PCDHA10: variants seen among roughly 807,000 people sequenced by gnomAD.
PCDHA10 encodes protocadherin alpha-10.
Under a neutral mutation model 61.2 loss-of-function variants are expected in PCDHA10, and 45 were observed. The ratio of observed to expected loss-of-function variants is 0.74; its 90% CI spans 0.58 to 0.94. The LOEUF (loss-of-function observed/expected upper bound fraction) is 0.94. Ranked by LOEUF, PCDHA10 falls within the 40% of genes least tolerant of loss-of-function variation. The pLI is 0.00. For synonymous variants in PCDHA10, 602 were observed against 548.8 expected (o/e 1.10, Z -1.35); for missense variants, 1,278 against 1,236.2 (o/e 1.03, Z -0.51).
intron 3 of PCDHA10, among the ~76,000 whole-genome samples, chr5:140,996,029 C>T (rs915903807): frequency 6.6e-6 from 1 of 152,184 alleles, no homozygotes; most frequent in Admixed American, 6.5e-5. Context: ...GTTTAATGCT[C>T]CTAGCACTTA....
chr5:140,887,101 CT>C (rs200717289), intron 1 of PCDHA10, among the ~76,000 whole-genome samples: 3,245 of 145,086 alleles, frequency 0.022, 87 homozygotes, highest in African/African-American at 0.074. Flanking sequence ...ATCTTTATCT[CT>C]TTTTTTTTTT....
chr5:140,870,200 C>G lies in PCDHA10; in HGVS notation c.2388+11764C>G, dbSNP rs377755323. Reference sequence around the variant, plus strand: ...GTACGAGAGGACGCTCAGCCCAGCACGGTCATTGCCCTGATCAGCGTGTCT... The same window carrying G: ...GTACGAGAGGACGCTCAGCCCAGCAGGGTCATTGCCCTGATCAGCGTGTCT... On this transcript the variant is annotated intron_variant, in intron 1 of 3. Transcript: ENST00000307360. 7 of 1,614,056 alleles carry G rather than the reference C, an allele frequency of 4.3e-6. No homozygotes were observed. The African/African-American group carries it at 9.3e-5, about 22-fold the overall frequency.
chr5:140,973,894 G>A (rs1161980569), intron 1 of PCDHA10, among the ~76,000 whole-genome samples: 1 of 152,194 alleles, frequency 6.6e-6, no homozygotes, highest in African/African-American at 2.4e-5. Flanking sequence ...ATTTGCAAAT[G>A]TTTGAGGAAA....
intron 1 of PCDHA10, chr5:140,869,562 A>G (rs373044645): frequency 8.1e-6 from 13 of 1,614,050 alleles, no homozygotes; most frequent in South Asian, 2.2e-5. Context: ...CGCGTTTTCC[A>G]CTAGAGGGAG....
intron 3 of PCDHA10, among the ~76,000 whole-genome samples, chr5:140,991,132 TAA>T (rs1345264253): frequency 2.0e-5 from 3 of 152,230 alleles, no homozygotes; most frequent in Non-Finnish European, 4.4e-5. Flanking sequence ...ACACAGCTAG[TAA>T]AAATGTTTTT....
intron 1 of PCDHA10, among the ~76,000 whole-genome samples, chr5:140,943,553 CAAT>C (rs1554215748): frequency 6.6e-6 from 1 of 152,026 alleles, no homozygotes; most frequent in East Asian, 1.9e-4. Context: ...TAGACGTAGA[CAAT>C]AATCATTTTA....
intron 1 of PCDHA10, chr5:140,884,551 G>C (rs782613034): frequency 1.2e-6 from 2 of 1,614,134 alleles, no homozygotes; most frequent in Non-Finnish European, 1.7e-6. Flanking sequence ...TGTGCTCTGG[G>C]GAGGGCCCGC....
chr5:140,863,231 C>G (rs189351986), intron 1 of PCDHA10: 1 of 1,227,526 alleles, frequency 8.1e-7, no homozygotes, highest in Non-Finnish European at 1.2e-6. Flanking sequence ...AAGGTCCCAT[C>G]GCGGGCTTTG....
intron 1 of PCDHA10, among the ~76,000 whole-genome samples, chr5:140,924,534 C>G (rs1488047727): frequency 1.3e-5 from 2 of 152,134 alleles, no homozygotes; most frequent in African/African-American, 2.4e-5. Context: ...AATGCCCGAG[C>G]TACCCCTCTC....
intron 1 of PCDHA10, among the ~76,000 whole-genome samples, chr5:140,947,713 T>G (rs1252298380): frequency 6.6e-6 from 1 of 151,618 alleles, no homozygotes; most frequent in African/African-American, 2.4e-5. Flanking sequence ...AGTATTGAGG[T>G]TTCAAAAGTT....
chr5:141,008,999 G>A (rs1389698923), intron 3 of PCDHA10, among the ~76,000 whole-genome samples: 1 of 152,200 alleles, frequency 6.6e-6, no homozygotes, highest in African/African-American at 2.4e-5. Context: ...ACTAAAAGGA[G>A]CATATTTTGC....
At chr5:140,913,379 C>T (rs1554195889) in intron 1 of PCDHA10, among the ~76,000 whole-genome samples, 1 of 152,134 alleles carries the variant, frequency 6.6e-6, no homozygotes, top group Non-Finnish European at 1.5e-5. Context: ...CATATAGTGG[C>T]TCATCATAGC....
At chr5:140,978,924 GA>G (rs781894146) in intron 1 of PCDHA10, 24 bp from the exon 2 acceptor site, 202 of 1,613,894 alleles carry the variant, frequency 1.3e-4, no homozygotes, top group Middle Eastern at 6.6e-4. Context: ...CATTTTAACA[GA>G]AAACTCTCTT....
chr5:140,886,689 G>T (rs1267444522), intron 1 of PCDHA10, among the ~76,000 whole-genome samples: 1 of 152,022 alleles, frequency 6.6e-6, no homozygotes, highest in Admixed American at 6.5e-5. Context: ...AGCGAGGCAT[G>T]GTGGCACGCG....
chr5:140,977,340 G>T (rs2096757114), intron 1 of PCDHA10, among the ~76,000 whole-genome samples: 1 of 152,198 alleles, frequency 6.6e-6, no homozygotes, highest in African/African-American at 2.4e-5. Context: ...GAGAGACGGT[G>T]ATGATGACTG....
intron 1 of PCDHA10, among the ~76,000 whole-genome samples, chr5:140,909,441 C>A (rs971678951): frequency 2.6e-5 from 4 of 152,214 alleles, no homozygotes; most frequent in African/African-American, 9.7e-5. Flanking sequence ...AATCCACTGT[C>A]ATTCTCCAAG....
chr5:141,006,379 G>GT (rs2098271047), intron 3 of PCDHA10, among the ~76,000 whole-genome samples: 1 of 151,748 alleles, frequency 6.6e-6, no homozygotes, highest in South Asian at 2.1e-4. Flanking sequence ...GCCCGGCTAA[G>GT]TTTTTTCTAT....
intron 1 of PCDHA10, among the ~76,000 whole-genome samples, chr5:140,947,798 A>C (rs1164932467): frequency 7.3e-5 from 11 of 151,710 alleles, no homozygotes; most frequent in African/African-American, 1.9e-4. Context: ...CAGACTTTTA[A>C]TTTGCAGAGA....
chr5:140,858,032 G>A lies in PCDHA10; in HGVS notation c.1984G>A (p.Ala662Thr). 6.3e-7 allele frequency: 1 copy of A among 1,597,242 alleles called. No homozygotes were observed. The highest frequency in any genetic ancestry group is 8.6e-7 in the Non-Finnish European group (1 of 1,167,272). The stretch of plus-strand genomic sequence containing the variant: ...TGGCGAGCCGTCGCTGACGGCCACG[G>A]CCACTGTGCTTGTGTCGCTTGTGGA... Reference protein sequence around the residue: ...DHGEPSLTATATVLVSLVEGS... With the variant: ...DHGEPSLTATTTVLVSLVEGS... Residue 662 changes from alanine (A) to threonine (T), a missense_variant, in exon 1 of 4, where the codon GCC becomes ACC. Ala to Thr is a moderately conservative substitution (Grantham distance 58, BLOSUM62 0). Transcript: ENST00000307360.
Sources: allele counts gnomAD v4.1 joint callset (sites outside exome capture counted in the v4.1 genomes callset), GRCh38; gene constraint gnomAD v4.1.1; transcripts MANE v1.5; gene names NCBI Gene and HGNC (gene_info 2026-07-23, HGNC 2026-07-21).